TCF12: variants seen among roughly 807,000 people sequenced by gnomAD.
TCF12 encodes the protein DNA-binding protein HTF4.
TCF12 carries 45 observed loss-of-function variants against 86.0 expected under a neutral mutation model. The observed-to-expected ratio is 0.52, with a 90% CI of 0.41 to 0.67. The LOEUF (loss-of-function observed/expected upper bound fraction) is 0.67. Among genes scored for constraint, TCF12 ranks in the 30% least tolerant of loss-of-function variants. TCF12 has a pLI of 0.00. For missense variants in TCF12, 881 were observed against 859.9 expected (o/e 1.02, Z -0.31); for synonymous variants, 330 against 299.6 (o/e 1.10, Z -1.05).
chr15:57,185,079 A>G (rs553534173), intron 6 of TCF12, among the ~76,000 whole-genome samples: 7 of 152,336 alleles, frequency 4.6e-5, no homozygotes, highest in South Asian at 2.1e-4. Flanking sequence ...TTAAATTAAT[A>G]TTATGTAGCC....
chr15:56,997,440 G>C (rs1382109437), intron 3 of TCF12, among the ~76,000 whole-genome samples: 2 of 152,140 alleles, frequency 1.3e-5, no homozygotes, highest in Non-Finnish European at 2.9e-5. Flanking sequence ...GGTCATAAAT[G>C]AGAACAGTAG....
At chr15:57,024,790 A>G (rs1457998058) in intron 3 of TCF12, among the ~76,000 whole-genome samples, 1 of 152,224 alleles carries the variant, frequency 6.6e-6, no homozygotes, top group Non-Finnish European at 1.5e-5. Context: ...AGCTCCACAT[A>G]TAAAAGAACC....
chr15:57,147,470 T>C (rs1327940982), intron 5 of TCF12, among the ~76,000 whole-genome samples: 4 of 152,162 alleles, frequency 2.6e-5, no homozygotes, highest in Admixed American at 1.3e-4. Flanking sequence ...TAATCTTTCA[T>C]TGAAATATTT....
At chr15:56,927,412 T>C (rs778905200) in intron 3 of TCF12, among the ~76,000 whole-genome samples, 2 of 152,252 alleles carry the variant, frequency 1.3e-5, no homozygotes, top group Non-Finnish European at 1.5e-5. Context: ...TTTTTTCTTA[T>C]AGTTCCGTTT....
At chr15:57,283,894 AAAG>A (rs1209781898) in intron 20 of TCF12, among the ~76,000 whole-genome samples, 2 of 152,196 alleles carry the variant, frequency 1.3e-5, no homozygotes, top group South Asian at 2.1e-4. Context: ...ACCAGACCAC[AAAG>A]AAGATTTCAT....
chr15:57,065,229 C>T (rs2068775160), intron 4 of TCF12, among the ~76,000 whole-genome samples: 1 of 152,020 alleles, frequency 6.6e-6, no homozygotes, highest in Non-Finnish European at 1.5e-5. Context: ...TGTAAAGAAC[C>T]CTATGCTGAG....
chr15:57,186,714 A>G (rs1597158964), intron 6 of TCF12, among the ~76,000 whole-genome samples: 1 of 152,210 alleles, frequency 6.6e-6, no homozygotes, highest in East Asian at 1.9e-4. Flanking sequence ...CTACAAAAAT[A>G]CTAGCAGAGT....
At chr15:57,043,425 C>T (rs753060345) in intron 3 of TCF12, among the ~76,000 whole-genome samples, 4 of 152,118 alleles carry the variant, frequency 2.6e-5, no homozygotes, top group African/African-American at 4.8e-5. Context: ...AGTCTCTCCA[C>T]GTCCTCACTA....
chr15:57,033,663 G>T (rs1350960175), intron 3 of TCF12, among the ~76,000 whole-genome samples: 1 of 152,146 alleles, frequency 6.6e-6, no homozygotes, highest in Non-Finnish European at 1.5e-5. Flanking sequence ...CCCTGAGAAA[G>T]AAAGTAGGTT....
intron 4 of TCF12, among the ~76,000 whole-genome samples, chr15:57,075,691 A>G (rs1159508866): frequency 2.0e-5 from 3 of 151,898 alleles, no homozygotes; most frequent in Admixed American, 2.0e-4. Context: ...TTTAAGCCTG[A>G]GTTCTCTCAT....
intron 3 of TCF12, among the ~76,000 whole-genome samples, chr15:57,055,259 G>A (rs1048372586): frequency 3.9e-5 from 6 of 152,040 alleles, no homozygotes; most frequent in Admixed American, 1.3e-4. Context: ...AAAATTAGCC[G>A]AGTGTGGTGG....
intron 3 of TCF12, among the ~76,000 whole-genome samples, chr15:56,924,722 TG>T (rs1322598706): frequency 6.6e-6 from 1 of 152,128 alleles, no homozygotes; most frequent in Non-Finnish European, 1.5e-5. Context: ...AGCAGGTGTG[TG>T]GGGAAAAATA....
chr15:57,141,412 C>T (rs182165294), intron 5 of TCF12, among the ~76,000 whole-genome samples: 2 of 152,148 alleles, frequency 1.3e-5, no homozygotes, highest in Non-Finnish European at 2.9e-5. Context: ...TGCAGTGTCA[C>T]GATCTCAGCT....
chr15:56,932,925 T>C (rs1479588307), intron 3 of TCF12, among the ~76,000 whole-genome samples: 1 of 152,210 alleles, frequency 6.6e-6, no homozygotes, highest in Admixed American at 6.5e-5. Flanking sequence ...TTATTTTTAG[T>C]ATTTCAAGAC....
chr15:57,049,422 A>G (rs1257125826), intron 3 of TCF12, among the ~76,000 whole-genome samples: 1 of 152,176 alleles, frequency 6.6e-6, no homozygotes, highest in Non-Finnish European at 1.5e-5. Flanking sequence ...TTCTGTCACC[A>G]TAGATTAGTT....
At chr15:57,217,160 A>G (rs2058366731) in intron 8 of TCF12, among the ~76,000 whole-genome samples, 1 of 152,192 alleles carries the variant, frequency 6.6e-6, no homozygotes, top group Admixed American at 6.5e-5. Context: ...AAAAGCTTTT[A>G]ATTAGTTACT....
At chr15:57,191,335 A>G (rs1397161764) in intron 6 of TCF12, among the ~76,000 whole-genome samples, 1 of 152,154 alleles carries the variant, frequency 6.6e-6, no homozygotes, top group Non-Finnish European at 1.5e-5. Context: ...GTGGTGGCAC[A>G]TGCCTGTAGT....
intron 6 of TCF12, among the ~76,000 whole-genome samples, chr15:57,184,562 T>G (rs1459181971): frequency 6.6e-6 from 1 of 152,100 alleles, no homozygotes; most frequent in Admixed American, 6.5e-5. Flanking sequence ...TCAAAACATA[T>G]CAATGAAAGT....
chr15:57,232,573 C>T, intron 10 of TCF12, 139 bp from the exon 11 acceptor site: 1 of 1,447,588 alleles, frequency 6.9e-7, no homozygotes, highest in Non-Finnish European at 9.3e-7. Context: ...CCATGCCTTT[C>T]TAAAAAATAA....
Sources: gnomAD v4.1 joint callset for allele counts (sites outside exome capture counted in the v4.1 genomes callset) on GRCh38, gnomAD v4.1.1 for gene constraint, MANE v1.5 for transcripts, NCBI Gene and HGNC (gene_info 2026-07-23, HGNC 2026-07-21) for gene names.